The following DNAH14 variants were observed in gnomAD, a reference collection of about 807,000 sequenced individuals.
DNAH14 encodes the protein dynein axonemal heavy chain 14, also known as axonemal beta dynein heavy chain 14.
Under a neutral mutation model 520.9 loss-of-function variants are expected in DNAH14, and 478 were observed. The observed-to-expected ratio is 0.92, with a 90% CI of 0.85 to 0.99. The LOEUF is 0.99. Among genes scored for constraint, DNAH14 ranks in the 50% least tolerant of loss-of-function variants. The pLI is 0.00. For synonymous variants in DNAH14, 1,581 were observed against 1,757.2 expected, an observed-to-expected ratio of 0.90 and a Z score of 2.51; for missense variants, 4,831 against 5,234.5, an observed-to-expected ratio of 0.92 and a Z score of 2.38.
intron 1 of DNAH14, among the ~76,000 whole-genome samples, chr1:224,940,255 C>G (rs998197960): frequency 3.9e-5 from 6 of 152,112 alleles, no homozygotes; most frequent in Admixed American, 1.3e-4. Flanking sequence ...TGGCAGGTCT[C>G]TTTAAGGGCT....
chr1:225,314,946 T>C (rs2094440013), intron 60 of DNAH14, among the ~76,000 whole-genome samples: 1 of 152,182 alleles, frequency 6.6e-6, no homozygotes, highest in Non-Finnish European at 1.5e-5. Context: ...AGTATCTTTG[T>C]AGTGTTCTCT....
In DNAH14 at chr1:224,967,938, C is replaced by G. The variant is rs1007704388; in HGVS notation, c.651+355C>G. ...TCTTTATTGGCACATTTGTCAGAAA[C>G]TTTATTGCCAGATGTAGAAATCCCC... On this transcript the variant is annotated intron_variant, in intron 6 of 85. Transcript: ENST00000682510. The G allele has an allele frequency of 5.1e-6, 6 of 1,180,632 alleles. No homozygotes were observed. The African/African-American group carries it at 9.5e-5, about 19-fold the overall frequency. The allele number at this position is 1,180,632 out of a possible 1,614,324, so 73.1% of individuals were successfully genotyped here. A position where few individuals can be genotyped will look rare whatever the true frequency, so the allele number is the denominator to read the frequency against.
chr1:225,087,134 G>A lies in DNAH14; in HGVS notation c.3573+1345G>A, dbSNP rs144306097. 1.4e-4 allele frequency among the ~76,000 whole-genome samples: 22 copies of A among 152,126 alleles called. No individual in the cohort carries two copies. The South Asian group carries it at 1.5e-3, about 10-fold the overall frequency. On this transcript the variant is annotated intron_variant, in intron 21 of 85. Coordinates refer to ENST00000682510, the MANE Select transcript of DNAH14 (RefSeq NM_001367479.1). ...TTAACAATACCACACACTGGATGAC[G>A]TATAAATAAAAGAAATGTATTTGGC...
chr1:225,353,693 GA>G (rs955686613), intron 72 of DNAH14, 109 bp from the exon 73 acceptor site: 22,104 of 484,710 alleles, frequency 0.046, 12 homozygotes, highest in South Asian at 0.058. Flanking sequence ...GCCATGTTTA[GA>G]AAAAAAAAAA....
At chr1:225,373,447 G>C (rs2095644486) in intron 77 of DNAH14, among the ~76,000 whole-genome samples, 1 of 146,180 alleles carries the variant, frequency 6.8e-6, no homozygotes, top group Non-Finnish European at 1.5e-5. Flanking sequence ...CTGGGCGACA[G>C]AGCAAGACTC....
Position 225,367,759 on chromosome 1 carries a change from C to T in DNAH14, c.12091-46C>T. ...AAGACAAGTGCCCTGAAGACCAGTGCCTGCATCTGTCCTCACATGCCATTT... is the reference window on the plus strand; with the variant it reads ...AAGACAAGTGCCCTGAAGACCAGTGTCTGCATCTGTCCTCACATGCCATTT... On this transcript the variant is annotated intron_variant, in intron 76 of 85. Coordinates refer to ENST00000682510, the MANE Select transcript of DNAH14 (RefSeq NM_001367479.1). 3 of 1,352,750 alleles carry T rather than the reference C, an allele frequency of 2.2e-6. No individual in the cohort carries two copies. In the East Asian group the frequency reaches 7.5e-5, roughly 34 times the overall value. 83.8% of individuals were successfully genotyped at this position (1,352,750 alleles called of 1,614,324 possible). A position where few individuals can be genotyped will look rare whatever the true frequency, so the allele number is the denominator to read the frequency against.
At position 224,960,190 on chromosome 1, in the gene DNAH14, T is replaced by A. The variant is rs2060756788; in HGVS notation, c.255T>A (p.Val85=). 1 of 1,604,752 alleles carries A rather than the reference T, an allele frequency of 6.2e-7. No individual in the cohort carries two copies. The highest frequency in any genetic ancestry group is 2.2e-5 in the East Asian group (1 of 44,772). The change falls in exon 4 of 86, where the codon GTT becomes GTA. Residue 85 remains valine, a synonymous_variant. Coordinates refer to ENST00000682510, the MANE Select transcript of DNAH14 (RefSeq NM_001367479.1). The part of the protein sequence containing the change: ...LRESIIQQHM[V]SPEPASLKEK... ...AAAGTATAATTCAACAACATATGGTTTCTCCAGAGCCAGCTTCCCTTAAGG... is the reference window on the plus strand; with the variant it reads ...AAAGTATAATTCAACAACATATGGTATCTCCAGAGCCAGCTTCCCTTAAGG...
chr1:225,334,351 T>C (rs2094866515), intron 66 of DNAH14, among the ~76,000 whole-genome samples: 1 of 152,108 alleles, frequency 6.6e-6, no homozygotes, highest in Non-Finnish European at 1.5e-5. Context: ...TTACTGAGCA[T>C]GATGCTACAT....
chr1:225,162,614 A>G (rs557657968), intron 35 of DNAH14, among the ~76,000 whole-genome samples: 1 of 152,200 alleles, frequency 6.6e-6, no homozygotes, highest in East Asian at 1.9e-4. Context: ...GAATCTGTAG[A>G]TTGTTTTGGG....
At chr1:225,237,897 G>A (rs1465342970) in intron 42 of DNAH14, among the ~76,000 whole-genome samples, 1 of 152,002 alleles carries the variant, frequency 6.6e-6, no homozygotes, top group East Asian at 1.9e-4. Context: ...TCCTCCACTT[G>A]GTCTATTCTG....
At chr1:225,180,307 G>A (rs941489097) in intron 36 of DNAH14, among the ~76,000 whole-genome samples, 1 of 151,972 alleles carries the variant, frequency 6.6e-6, no homozygotes, top group African/African-American at 2.4e-5. Flanking sequence ...TTTCATTCTT[G>A]TCTGTTATTC....
chr1:224,932,913 G>T (rs1024621354), intron 1 of DNAH14, among the ~76,000 whole-genome samples: 1 of 151,954 alleles, frequency 6.6e-6, no homozygotes, highest in African/African-American at 2.4e-5. Flanking sequence ...GGCTATTCAG[G>T]CTCTTTTTTT....
At chr1:225,308,513 G>A in intron 60 of DNAH14, 103 bp downstream of exon 60, 1 of 1,129,488 alleles carries the variant, frequency 8.9e-7, no homozygotes, top group South Asian at 1.8e-5. Context: ...AATACATAGT[G>A]CCCCAACTAT....
intron 8 of DNAH14, among the ~76,000 whole-genome samples, chr1:224,991,650 ATTTTTCTTTCCTT>A (rs1451899954): frequency 3.3e-5 from 5 of 150,970 alleles, no homozygotes; most frequent in Non-Finnish European, 7.4e-5. Context: ...TAATTTTTGT[ATTTTTCTTTCCTT>A]TTTTTCTTTT....
At chr1:225,058,270 T>C (rs761491673) in intron 17 of DNAH14, among the ~76,000 whole-genome samples, 19 of 152,224 alleles carry the variant, frequency 1.2e-4, no homozygotes, top group Non-Finnish European at 2.2e-4. Flanking sequence ...AGGGTGTGTG[T>C]GTCAAGGAAT....
intron 81 of DNAH14, among the ~76,000 whole-genome samples, chr1:225,386,102 G>C (rs1247313089): frequency 6.6e-6 from 1 of 152,118 alleles, no homozygotes; most frequent in Non-Finnish European, 1.5e-5. Flanking sequence ...TGATCTTTGA[G>C]AAACCGGACA....
At chr1:225,183,507 T>C (rs1484659767) in intron 36 of DNAH14, among the ~76,000 whole-genome samples, 1 of 151,864 alleles carries the variant, frequency 6.6e-6, no homozygotes, top group African/African-American at 2.4e-5. Flanking sequence ...AACTGTACTA[T>C]AAAAACAAGA....
chr1:225,149,686 T>C (rs1336010758), intron 31 of DNAH14, among the ~76,000 whole-genome samples: 1 of 152,198 alleles, frequency 6.6e-6, no homozygotes, highest in Non-Finnish European at 1.5e-5. Flanking sequence ...CAACAGTGAA[T>C]GGGATTGTGT....
chr1:225,286,297 G>C (rs1168672721), intron 54 of DNAH14, among the ~76,000 whole-genome samples: 1 of 152,152 alleles, frequency 6.6e-6, no homozygotes, highest in African/African-American at 2.4e-5. Flanking sequence ...TGCTAGAGGA[G>C]AGGATTTTCA....
Sources: allele counts gnomAD v4.1 joint callset (sites outside exome capture counted in the v4.1 genomes callset), GRCh38; gene constraint gnomAD v4.1.1; transcripts MANE v1.5; gene names NCBI Gene and HGNC (gene_info 2026-07-23, HGNC 2026-07-21).